HUNK: variants seen among roughly 807,000 people sequenced by gnomAD.
The protein encoded by HUNK is hormonally up-regulated Neu-associated kinase.
Under a neutral mutation model 61.0 loss-of-function variants are expected in HUNK, and 21 were observed. The ratio of observed to expected loss-of-function variants is 0.34; its 90% confidence interval spans 0.24 to 0.50. The LOEUF is 0.50. Among genes scored for constraint, HUNK ranks in the 20% least tolerant of loss-of-function variants. The pLI is 0.98. For missense variants in HUNK, 772 were observed against 945.7 expected, an observed-to-expected ratio of 0.82 and a Z score of 2.41; for synonymous variants, 371 against 386.1, an observed-to-expected ratio of 0.96 and a Z score of 0.46.
At chr21:31,931,403 C>A (rs1245444133) in intron 2 of HUNK, among the ~76,000 whole-genome samples, 3 of 152,188 alleles carry the variant, frequency 2.0e-5, no homozygotes, top group Non-Finnish European at 4.4e-5. Context: ...ATTATCCTCA[C>A]CTCCAGCCTC....
At chr21:31,965,143 T>C (rs1433649895) in intron 5 of HUNK, among the ~76,000 whole-genome samples, 5 of 152,106 alleles carry the variant, frequency 3.3e-5, no homozygotes, top group Non-Finnish European at 7.3e-5. Flanking sequence ...TTTCGGGTTA[T>C]TATAGAACAT....
intron 7 of HUNK, among the ~76,000 whole-genome samples, chr21:31,979,641 A>G (rs891232850): frequency 2.8e-5 from 4 of 143,162 alleles, no homozygotes; most frequent in Non-Finnish European, 6.0e-5. Flanking sequence ...TCAGCCTCCC[A>G]AGTAGCTGGG....
chr21:31,896,973 G>A (rs535876709), intron 1 of HUNK, among the ~76,000 whole-genome samples: 18 of 152,212 alleles, frequency 1.2e-4, no homozygotes, highest in African/African-American at 3.4e-4. Flanking sequence ...GGCCAGGCGC[G>A]GTGGCTCACA....
At chr21:31,990,242 G>T in intron 9 of HUNK, 66 bp downstream of exon 9, 9 of 1,218,496 alleles carry the variant, frequency 7.4e-6, no homozygotes, top group Middle Eastern at 5.1e-4. Flanking sequence ...ATAGAGTATG[G>T]AGAGAGAGAG....
In HUNK at chr21:32,003,741, G is replaced by T. The variant is rs531288215; in HGVS notation, c.*4557G>T. 6.6e-6 allele frequency: 1 copy of T among 152,234 alleles called. No individual in the cohort carries two copies. The highest frequency in any genetic ancestry group is 1.9e-4 in the East Asian group (1 of 5,186). The allele number at this position is 152,234 out of a possible 1,614,324, so 9.4% of individuals were successfully genotyped here. The stretch of plus-strand genomic sequence containing the variant: ...TATATATTTGTACTTCTTCTCTGTG[G>T]ACATGTTTTTGTGACACACAGTTAT... On this transcript the variant is annotated 3_prime_UTR_variant, in exon 11 of 11. Transcript: ENST00000270112.
intron 4 of HUNK, among the ~76,000 whole-genome samples, chr21:31,949,674 G>A (rs743303): frequency 0.37 from 56,377 of 151,924 alleles, 11,760 homozygotes; most frequent in African/African-American, 0.57. Context: ...GTTGCTGCAA[G>A]GGAATACCTG....
chr21:31,905,280 C>G (rs2052497426), intron 1 of HUNK, among the ~76,000 whole-genome samples: 1 of 152,166 alleles, frequency 6.6e-6, no homozygotes, highest in South Asian at 2.1e-4. Flanking sequence ...AAGCCACCTA[C>G]AAGCCTAGGA....
At chr21:31,938,277 T>C (rs2052745289) in intron 2 of HUNK, among the ~76,000 whole-genome samples, 1 of 152,200 alleles carries the variant, frequency 6.6e-6, no homozygotes, top group Non-Finnish European at 1.5e-5. Flanking sequence ...ACCACTTCTC[T>C]GCCCTCACCT....
intron 5 of HUNK, among the ~76,000 whole-genome samples, chr21:31,965,581 GTTCT>G (rs1474717190): frequency 1.4e-5 from 2 of 143,350 alleles, no homozygotes; most frequent in African/African-American, 2.6e-5. Flanking sequence ...CCACCTCACT[GTTCT>G]TTGTTTTTCT....
chr21:31,910,989 T>C (rs1213975973), intron 1 of HUNK, among the ~76,000 whole-genome samples: 2 of 152,202 alleles, frequency 1.3e-5, no homozygotes, highest in African/African-American at 4.8e-5. Flanking sequence ...TGAATTATTT[T>C]CCCCAACATT....
chr21:31,873,947 G>A lies in HUNK; in HGVS notation c.261+12G>A, dbSNP rs1399707182. 3 of 1,486,648 alleles carry A rather than the reference G, an allele frequency of 2.0e-6. No homozygotes were observed. Among genetic ancestry groups the A allele is most frequent in the Non-Finnish European group, 2.7e-6 (3 of 1,118,100 alleles). The allele number at this position is 1,486,648 out of a possible 1,614,324, so 92.1% of individuals were successfully genotyped here. A position where few individuals can be genotyped will look rare whatever the true frequency, so the allele number is the denominator to read the frequency against. On this transcript the variant is annotated intron_variant, in intron 1 of 10. Coordinates refer to ENST00000270112, the MANE Select transcript of HUNK (RefSeq NM_014586.2). This position sits in a 1 kb window ranked among gnomAD's most constrained non-coding sequence, Gnocchi z 6.1. Reference sequence around the variant, plus strand: ...TGACCGGGGAGAAGGTGAGTCTCCCGGGCGCCGTGGGGCTGGGGCACAGGG... The same window carrying A: ...TGACCGGGGAGAAGGTGAGTCTCCCAGGCGCCGTGGGGCTGGGGCACAGGG...
chr21:31,950,707 A>C (rs1435925650), intron 4 of HUNK, among the ~76,000 whole-genome samples: 1 of 152,192 alleles, frequency 6.6e-6, no homozygotes, highest in African/African-American at 2.4e-5. Flanking sequence ...TGCTGGCAGA[A>C]GTGGAAATGG....
chr21:31,974,987 C>T (rs1415689175), intron 7 of HUNK, among the ~76,000 whole-genome samples: 2 of 151,550 alleles, frequency 1.3e-5, no homozygotes, highest in Middle Eastern at 3.2e-3. Context: ...TCAACAGCAT[C>T]TCTGTTGTCT....
rs1313325640 is a variant in HUNK at position 32,002,976 on chromosome 21, T to G, written c.*3792T>G. ...TAGAATAGAAAAGGACCTAAGATTC[T>G]CTGGCTCAGCCCCAGCCTTTCTGAA... On this transcript the variant is annotated 3_prime_UTR_variant, in exon 11 of 11. Coordinates refer to ENST00000270112, the MANE Select transcript of HUNK (RefSeq NM_014586.2). 1 of 152,212 alleles carries G rather than the reference T, an allele frequency of 6.6e-6. No homozygotes were observed. The highest frequency in any genetic ancestry group is 1.5e-5 in the Non-Finnish European group (1 of 68,042). 9.4% of individuals were successfully genotyped at this position (152,212 alleles called of 1,614,324 possible).
intron 8 of HUNK, 25 bp from the exon 9 acceptor site, chr21:31,990,104 T>C: frequency 6.2e-7 from 1 of 1,610,576 alleles, no homozygotes; most frequent in Non-Finnish European, 8.5e-7. Context: ...ATTCTCGAAT[T>C]GTTGAAGGAT....
At chr21:31,956,462 G>A (rs1045176786) in intron 4 of HUNK, among the ~76,000 whole-genome samples, 14 of 152,016 alleles carry the variant, frequency 9.2e-5, no homozygotes, top group African/African-American at 2.9e-4. Flanking sequence ...CCTTCTTACC[G>A]ATCTCCAAGA....
At chr21:31,988,642 TTTTTCTCTC>T (rs947974816) in intron 8 of HUNK, among the ~76,000 whole-genome samples, 15 of 147,252 alleles carry the variant, frequency 1.0e-4, no homozygotes, top group East Asian at 2.0e-4. Flanking sequence ...CCCTCCCTCA[TTTTTCTCTC>T]TTTTCTCTCT....
chr21:31,923,597 G>A (rs902901088), intron 1 of HUNK, among the ~76,000 whole-genome samples: 2 of 146,928 alleles, frequency 1.4e-5, no homozygotes, highest in East Asian at 4.0e-4. Flanking sequence ...GAGGGAGGGA[G>A]GGAAGGGAAG....
At chr21:31,904,729 C>T (rs1386192712) in intron 1 of HUNK, among the ~76,000 whole-genome samples, 1 of 152,060 alleles carries the variant, frequency 6.6e-6, no homozygotes, top group Non-Finnish European at 1.5e-5. Context: ...TGTCCCACCC[C>T]CAAATTCACA....
Sources: gnomAD v4.1 joint callset for allele counts (sites outside exome capture counted in the v4.1 genomes callset) on GRCh38, gnomAD v4.1.1 for gene constraint, Gnocchi (gnomAD v3.1) non-coding constraint, MANE v1.5 for transcripts, NCBI Gene and HGNC (gene_info 2026-07-23, HGNC 2026-07-21) for gene names.